The following NKAIN2 variants were observed in gnomAD, a reference collection of about 807,000 sequenced individuals.
NKAIN2 encodes the protein sodium/potassium-transporting ATPase subunit beta-1-interacting protein 2.
NKAIN2 carries 14 observed loss-of-function variants against 32.6 expected under a neutral mutation model. The observed-to-expected ratio is 0.43, with a 90% confidence interval of 0.28 to 0.67. The LOEUF (loss-of-function observed/expected upper bound fraction) is 0.67. NKAIN2 is among the 30% of genes least tolerant of loss of function. The pLI is 0.17. For missense variants in NKAIN2, 198 were observed against 258.3 expected, an observed-to-expected ratio of 0.77 and a Z score of 1.60; for synonymous variants, 80 against 87.2, an observed-to-expected ratio of 0.92 and a Z score of 0.46.
At chr6:124,336,682 G>GT (rs71543265) in intron 2 of NKAIN2, among the ~76,000 whole-genome samples, 92,135 of 141,966 alleles carry the variant, frequency 0.65, 29,655 homozygotes, top group African/African-American at 0.7. Flanking sequence ...TTTTTTGTTT[G>GT]TTTTTTTTTT....
At chr6:124,461,083 T>C (rs1408789158) in intron 3 of NKAIN2, among the ~76,000 whole-genome samples, 1 of 151,814 alleles carries the variant, frequency 6.6e-6, no homozygotes, top group Non-Finnish European at 1.5e-5. Context: ...TATTTTAGAT[T>C]TAGTTGAATT....
chr6:123,939,827 G>A (rs1165568721), intron 1 of NKAIN2, among the ~76,000 whole-genome samples: 1 of 151,806 alleles, frequency 6.6e-6, no homozygotes, highest in Admixed American at 6.6e-5. Flanking sequence ...GTTATTGCAA[G>A]TGTGTGTTGT....
chr6:124,118,001 G>A (rs953169950), intron 1 of NKAIN2, among the ~76,000 whole-genome samples: 2 of 151,688 alleles, frequency 1.3e-5, no homozygotes, highest in African/African-American at 4.8e-5. Flanking sequence ...ATACAGCCCT[G>A]TAGATAGCTG....
intron 3 of NKAIN2, among the ~76,000 whole-genome samples, chr6:124,498,615 T>C (rs1401806615): frequency 2.0e-5 from 3 of 152,174 alleles, no homozygotes; most frequent in Non-Finnish European, 4.4e-5. Flanking sequence ...ATAATTTTCT[T>C]AGTGCTGTGA....
intron 3 of NKAIN2, among the ~76,000 whole-genome samples, chr6:124,443,154 G>A (rs755950917): frequency 4.6e-5 from 7 of 152,102 alleles, no homozygotes; most frequent in East Asian, 3.9e-4. Context: ...ACCCCTACAC[G>A]CTTCACTCAT....
At chr6:124,480,907 A>G in intron 3 of NKAIN2, among the ~76,000 whole-genome samples, 1 of 152,140 alleles carries the variant, frequency 6.6e-6, no homozygotes, top group Middle Eastern at 3.2e-3. Context: ...GAAATAAGAT[A>G]TATATTGCCA....
chr6:124,554,398 A>C (rs191540253), intron 3 of NKAIN2, among the ~76,000 whole-genome samples: 4 of 152,326 alleles, frequency 2.6e-5, no homozygotes, highest in Admixed American at 6.5e-5. Context: ...TTTCAGTAAA[A>C]TGTTTATCAA....
At chr6:124,171,717 A>C (rs1425376885) in intron 1 of NKAIN2, among the ~76,000 whole-genome samples, 1 of 135,760 alleles carries the variant, frequency 7.4e-6, no homozygotes, top group Non-Finnish European at 1.6e-5. Context: ...CGCCCGGCTA[A>C]TTTTTTTGTA....
At chr6:124,141,477 C>G (rs1232966310) in intron 1 of NKAIN2, among the ~76,000 whole-genome samples, 1 of 151,676 alleles carries the variant, frequency 6.6e-6, no homozygotes, top group East Asian at 1.9e-4. Context: ...CTGCGTTTTT[C>G]CTCTGTGGAG....
At chr6:124,333,659 C>CTAAATAAA (rs36098572) in intron 2 of NKAIN2, among the ~76,000 whole-genome samples, 235 of 146,514 alleles carry the variant, frequency 1.6e-3, no homozygotes, top group South Asian at 8.2e-3. Context: ...GACTCAGTCT[C>CTAAATAAA]TAAATAAATA....
At chr6:124,563,954 A>G (rs1780802361) in intron 3 of NKAIN2, among the ~76,000 whole-genome samples, 2 of 152,136 alleles carry the variant, frequency 1.3e-5, no homozygotes, top group Admixed American at 1.3e-4. Flanking sequence ...CATAGGTCGC[A>G]TGTTATGGTA....
At chr6:124,163,649 T>A (rs111773943) in intron 1 of NKAIN2, among the ~76,000 whole-genome samples, 1,965 of 152,168 alleles carry the variant, frequency 0.013, 38 homozygotes, top group South Asian at 0.041. Flanking sequence ...GTTCTATAAT[T>A]GGAGTATTTT....
chr6:124,130,676 T>C (rs1363603260), intron 1 of NKAIN2, among the ~76,000 whole-genome samples: 1 of 152,118 alleles, frequency 6.6e-6, no homozygotes, highest in African/African-American at 2.4e-5. Flanking sequence ...AGATCGATCT[T>C]CATGCTCGTT....
intron 1 of NKAIN2, among the ~76,000 whole-genome samples, chr6:123,929,151 G>T (rs533927012): frequency 6.6e-6 from 1 of 152,198 alleles, no homozygotes; most frequent in Non-Finnish European, 1.5e-5. Context: ...TTCATTTATT[G>T]ATTTATTAGT....
At chr6:124,740,976 G>A (rs1277857758) in intron 4 of NKAIN2, among the ~76,000 whole-genome samples, 1 of 151,772 alleles carries the variant, frequency 6.6e-6, no homozygotes, top group African/African-American at 2.4e-5. Context: ...TGGTAACTTA[G>A]ACTATGGTGG....
In NKAIN2 at chr6:124,345,211, G is replaced by A. The variant is rs1021837803; in HGVS notation, c.193-10056G>A. ...CTTGATCTTGGTGGACAAGCTTTTT[G>A]ATGGGCTACTGGATTCAGTTTGCCA... On this transcript the variant is annotated intron_variant, in intron 2 of 6. Coordinates refer to ENST00000368417, the MANE Select transcript of NKAIN2 (RefSeq NM_001040214.3). Among the ~76,000 whole-genome samples, 5 of 152,082 alleles carry A rather than the reference G, an allele frequency of 3.3e-5. No homozygotes were observed. The East Asian group carries it at 9.6e-4, about 29-fold the overall frequency.
At chr6:124,386,904 T>C (rs1176458381) in intron 3 of NKAIN2, among the ~76,000 whole-genome samples, 2 of 152,198 alleles carry the variant, frequency 1.3e-5, no homozygotes, top group Admixed American at 1.3e-4. Flanking sequence ...ACAATTCTTC[T>C]ACCCATGCTT....
At chr6:124,452,462 A>G (rs978121826) in intron 3 of NKAIN2, among the ~76,000 whole-genome samples, 1 of 152,080 alleles carries the variant, frequency 6.6e-6, no homozygotes. Flanking sequence ...TCAATATAAT[A>G]TTAGTGCAGT....
At chr6:124,493,987 T>C (rs1562219768) in intron 3 of NKAIN2, among the ~76,000 whole-genome samples, 1 of 152,034 alleles carries the variant, frequency 6.6e-6, no homozygotes, top group Non-Finnish European at 1.5e-5. Context: ...GAGAGCACTT[T>C]CTCAGGAAAT....
Sources: gnomAD v4.1 joint callset for allele counts (sites outside exome capture counted in the v4.1 genomes callset) on GRCh38, gnomAD v4.1.1 for gene constraint, MANE v1.5 for transcripts, NCBI Gene and HGNC (gene_info 2026-07-23, HGNC 2026-07-21) for gene names.